Variants in LRP1 observed in about 807,000 individuals in gnomAD.
LRP1 encodes the protein LDL receptor related protein 1, also known as prolow-density lipoprotein receptor-related protein 1.
Under a neutral mutation model 541.5 loss-of-function variants are expected in LRP1, and 51 were observed. That is an observed-to-expected ratio of 0.09 (90% CI 0.08 to 0.12). The LOEUF is 0.12. Ranked by LOEUF, LRP1 falls within the 10% of genes least tolerant of loss-of-function variation. The probability of loss-of-function intolerance (pLI) is 1.00; values close to 1 mark genes in which losing one functional copy is unlikely to be tolerated. For missense variants in LRP1, 3,878 were observed against 6,376.2 expected, an observed-to-expected ratio of 0.61 and a Z score of 13.34; for synonymous variants, 2,219 against 2,470.8, an observed-to-expected ratio of 0.90 and a Z score of 3.02.
At chr12:57,142,252 C>A (rs2035308598) in intron 3 of LRP1, among the ~76,000 whole-genome samples, 1 of 152,232 alleles carries the variant, frequency 6.6e-6, no homozygotes, top group Admixed American at 6.5e-5. Context: ...GGAATAGTGG[C>A]TTCTCCCTTC....
Position 57,191,021 on chromosome 12 carries a change from G to A in LRP1, c.7236+12G>A. On this transcript the variant is annotated intron_variant, in intron 43 of 88. Coordinates refer to ENST00000243077, the MANE Select transcript of LRP1 (RefSeq NM_002332.3). ...GCTCCCACCGCTATGTGAGTCTGCGGGGTGGGTGAGCTGGCGGGCGGCTGA... is the reference window on the plus strand; with the variant it reads ...GCTCCCACCGCTATGTGAGTCTGCGAGGTGGGTGAGCTGGCGGGCGGCTGA... The A allele has an allele frequency of 6.2e-7, 1 of 1,606,556 alleles. No individual in the cohort carries two copies. The highest frequency in any genetic ancestry group is 1.1e-5 in the South Asian group (1 of 90,702).
intron 20 of LRP1, 36 bp downstream of exon 20, chr12:57,169,343 C>G (rs369779144): frequency 2.6e-6 from 4 of 1,560,998 alleles, no homozygotes; most frequent in Non-Finnish European, 3.5e-6. Context: ...GGGATGAGAT[C>G]GAGCCCCCTG....
Position 57,185,760 on chromosome 12 carries a change from G to C in LRP1, c.6693G>C (p.Glu2231Asp). Residue 2231 changes from glutamate (E) to aspartate (D), a missense_variant, in exon 41 of 89, where the codon GAG becomes GAC. Around this residue, in one of 13 missense-constraint regions of LRP1, gnomAD observed 1,100 missense variants for 1,827.4 expected, o/e 0.60. Coordinates refer to ENST00000243077, the MANE Select transcript of LRP1 (RefSeq NM_002332.3). This position sits in a 1 kb window ranked among gnomAD's most constrained non-coding sequence, Gnocchi z 4.9. Reference sequence around the variant, plus strand: ...CCGTGCAGCCCTTCGAGGACCCTGAGCACATGAAGAACGTCATCGCCCTGG... The same window carrying C: ...CCGTGCAGCCCTTCGAGGACCCTGACCACATGAAGAACGTCATCGCCCTGG... ...NAPVQPFEDP[E>D]HMKNVIALAF... 1 of 1,614,212 alleles carries C rather than the reference G, an allele frequency of 6.2e-7. No individual in the cohort carries two copies. The highest frequency in any genetic ancestry group is 8.5e-7 in the Non-Finnish European group (1 of 1,180,042).
rs2036075053 is a variant in LRP1, at chr12:57,177,656, C to G, written c.4361+65C>G. The stretch of plus-strand genomic sequence containing the variant: ...GCACCAGGACGGGGTGGGGAGGAAC[C>G]TGTGGTGATGAGGGTGATGAGAAGG... On this transcript the variant is annotated intron_variant, in intron 26 of 88. Coordinates refer to ENST00000243077, the MANE Select transcript of LRP1 (RefSeq NM_002332.3). The surrounding 1 kb of genome is among the most constrained non-coding windows in gnomAD (Gnocchi z 6.8). 1 of 1,560,318 alleles carries G rather than the reference C, an allele frequency of 6.4e-7. No homozygotes were observed. The highest frequency in any genetic ancestry group is 8.8e-7 in the Non-Finnish European group (1 of 1,141,944).
chr12:57,180,039 C>G lies in LRP1; in HGVS notation c.5142-8C>G. ...CCTGACCTTTCCCTCTTGGCACCCTCCCCCCAGGAAGCTCTACTGGACCGA... is the reference window on the plus strand; with the variant it reads ...CCTGACCTTTCCCTCTTGGCACCCTGCCCCCAGGAAGCTCTACTGGACCGA... On this transcript the variant is annotated splice_polypyrimidine_tract_variant and splice_region_variant and intron_variant, in intron 30 of 88. Transcript: ENST00000243077. 1 of 1,613,066 alleles carries G rather than the reference C, an allele frequency of 6.2e-7. No homozygotes were observed. The highest frequency in any genetic ancestry group is 8.5e-7 in the Non-Finnish European group (1 of 1,179,244).
chr12:57,197,753 A>C lies in LRP1; in HGVS notation c.9282+89A>C. ...TCTCCTTCCCGCCCCACCAACCCAA[A>C]TTGCTTCCTTCTCACTCCACTAGTC... On this transcript the variant is annotated intron_variant, in intron 58 of 88. Transcript: ENST00000243077. This position sits in a 1 kb window ranked among gnomAD's most constrained non-coding sequence, Gnocchi z 4.5. The C allele has an allele frequency of 3.3e-6, 5 of 1,498,938 alleles. No individual in the cohort carries two copies. The highest frequency in any genetic ancestry group is 4.5e-6 in the Non-Finnish European group (5 of 1,103,938). 92.9% of individuals were successfully genotyped at this position (1,498,938 alleles called of 1,614,324 possible). A position where few individuals can be genotyped will look rare whatever the true frequency, so the allele number is the denominator to read the frequency against.
At chr12:57,176,214 T>C in intron 24 of LRP1, 108 bp downstream of exon 24, 3 of 1,047,286 alleles carry the variant, frequency 2.9e-6, no homozygotes, top group Non-Finnish European at 4.2e-6. Context: ...GGCTCCCCCA[T>C]CCCCCACACT....
chr12:57,200,415 C>T, intron 62 of LRP1, 27 bp from the exon 63 acceptor site: 1 of 829,128 alleles, frequency 1.2e-6, no homozygotes, highest in Non-Finnish European at 2.0e-6. Flanking sequence ...CCCCCACCAA[C>T]CCCTCTTGCC....
At chr12:57,182,898 A>T (rs2036194160) in intron 34 of LRP1, among the ~76,000 whole-genome samples, 1 of 152,158 alleles carries the variant, frequency 6.6e-6, no homozygotes, top group Non-Finnish European at 1.5e-5. Flanking sequence ...CTTCGGAGTG[A>T]CCTTAGGGGG....
intron 20 of LRP1, among the ~76,000 whole-genome samples, chr12:57,171,955 C>T (rs1267763644): frequency 2.0e-5 from 3 of 152,162 alleles, no homozygotes; most frequent in Admixed American, 2.0e-4. Context: ...GAACAAATGC[C>T]AAGCCCCTCT....
rs34035404 is a variant in LRP1 at position 57,175,683 on chromosome 12, C to T, written c.3771C>T (p.Asp1257=). ...SCYEGWVLEP[D]GESCRSLDPF... is the part of the protein sequence containing the mutation. ...ACGAGGGCTGGGTCCTGGAACCTGA[C>T]GGCGAGAGCTGCCGCAGCCTGGGTG... The change falls in exon 23 of 89, where the codon GAC becomes GAT. Residue 1257 remains aspartate (D), a synonymous_variant. Coordinates refer to ENST00000243077, the MANE Select transcript of LRP1 (RefSeq NM_002332.3). 1,869 of 1,576,168 alleles carry T rather than the reference C, an allele frequency of 1.2e-3. 20 individuals carry two copies. In the African/African-American group the frequency reaches 0.022, roughly 18 times the overall value.
rs142605462 is a variant in LRP1 at position 57,212,238 on chromosome 12, G to A, written c.13471G>A (p.Asp4491Asn). 47 of 1,613,644 alleles carry A rather than the reference G, an allele frequency of 2.9e-5. No homozygotes were observed. Among genetic ancestry groups the A allele is most frequent in the Non-Finnish European group, 3.8e-5 (45 of 1,179,952 alleles). ...TGATGTGGGAGGCCTACTGGACGCTGACTTTGCCCTGGACCCTGACAAGGT... is the reference window on the plus strand; with the variant it reads ...TGATGTGGGAGGCCTACTGGACGCTAACTTTGCCCTGGACCCTGACAAGGT... Reference protein sequence around the residue: ...PDDVGGLLDADFALDPDKPTN... With the variant: ...PDDVGGLLDANFALDPDKPTN... The change falls in exon 88 of 89, where the codon GAC (aspartate) becomes AAC (asparagine). Residue 4491 changes from aspartate (D) to asparagine (N), a missense_variant. This residue lies in a region of LRP1 where 871 missense variants were observed against 1,212.4 expected (regional missense o/e 0.72). Transcript: ENST00000243077. The surrounding 1 kb of genome is among the most constrained non-coding windows in gnomAD (Gnocchi z 5.0).
In LRP1 at chr12:57,158,434, A is replaced by G. The variant is rs1218901587; in HGVS notation, c.1594A>G (p.Lys532Glu). 6.2e-7 allele frequency: 1 copy of G among 1,613,330 alleles called. No homozygotes were observed. The change falls in exon 11 of 89, where the codon AAG (lysine) becomes GAG (glutamate). Residue 532 changes from lysine (K) to glutamate (E), a missense_variant. Lys to Glu is a moderately conservative substitution (Grantham distance 56, BLOSUM62 1). Coordinates refer to ENST00000243077, the MANE Select transcript of LRP1 (RefSeq NM_002332.3). The surrounding 1 kb of genome is among the most constrained non-coding windows in gnomAD (Gnocchi z 5.3). ...GCATGAGCTGTTCCTCGTGTATGGC[A>G]AGGGCCGGCCAGGCATCATCCGGGG... ...PEHELFLVYG[K>E]GRPGIIRGMD...
intron 1 of LRP1, among the ~76,000 whole-genome samples, chr12:57,134,757 T>G (rs1161117227): frequency 2.0e-5 from 3 of 151,922 alleles, no homozygotes; most frequent in African/African-American, 4.8e-5. Context: ...CAGGCTGGAG[T>G]GCAGTGGCGC....
intron 12 of LRP1, 138 bp from the exon 13 acceptor site, chr12:57,160,755 T>A: frequency 1.6e-6 from 1 of 632,886 alleles, no homozygotes; most frequent in Non-Finnish European, 2.8e-6. Context: ...AGTGAATGAA[T>A]GAAATGTGTG....
intron 20 of LRP1, among the ~76,000 whole-genome samples, chr12:57,171,141 C>T (rs1204631943): frequency 2.0e-5 from 3 of 152,186 alleles, no homozygotes; most frequent in Non-Finnish European, 4.4e-5. Context: ...GAAGAGCTCC[C>T]TGCCGCTCCC....
chr12:57,151,624 A>C (rs948833971), intron 6 of LRP1, among the ~76,000 whole-genome samples: 12 of 152,362 alleles, frequency 7.9e-5, no homozygotes, highest in Admixed American at 3.3e-4. Context: ...GCTGAAGCCC[A>C]GGACTCCACC....
chr12:57,172,399 G>A (rs1319559810), intron 20 of LRP1, among the ~76,000 whole-genome samples: 4 of 152,122 alleles, frequency 2.6e-5, no homozygotes, highest in Non-Finnish European at 5.9e-5. Context: ...TCGATCTCCC[G>A]ACCTCGTGAT....
In LRP1 at chr12:57,212,380, C is replaced by A. The variant is rs1249695175; in HGVS notation, c.13495-35C>A. On this transcript the variant is annotated intron_variant, in intron 88 of 88. Transcript: ENST00000243077. The surrounding 1 kb of genome is among the most constrained non-coding windows in gnomAD (Gnocchi z 5.0). ...GGTAACCTGGGCTACAGGCCCAGCT[C>A]CTGAGCCCTACCTGAACCCTCTGTC... 1.2e-6 allele frequency: 2 copies of A among 1,613,980 alleles called. No individual in the cohort carries two copies. The highest frequency in any genetic ancestry group is 1.7e-6 in the Non-Finnish European group (2 of 1,179,986).
Sources: allele counts gnomAD v4.1 joint callset (sites outside exome capture counted in the v4.1 genomes callset), GRCh38; gene constraint gnomAD v4.1.1; regional missense constraint gnomAD v4.1.1; non-coding constraint Gnocchi (gnomAD v3.1); transcripts MANE v1.5; gene names NCBI Gene and HGNC (gene_info 2026-07-23, HGNC 2026-07-21).